Variants in NF2 observed in about 807,000 individuals in gnomAD.
NF2 encodes merlin.
In NF2, 8 loss-of-function variants were observed where a neutral mutation model predicts 83.7. The ratio of observed to expected loss-of-function variants is 0.10; its 90% CI spans 0.06 to 0.17. The LOEUF (loss-of-function observed/expected upper bound fraction) is 0.17, where lower values mean the gene tolerates loss of function less well. Ranked by LOEUF, NF2 falls within the 10% of genes least tolerant of loss-of-function variation. The pLI, the probability that NF2 is intolerant of heterozygous loss-of-function variation, is 1.00. For missense variants in NF2, 533 were observed against 744.4 expected (o/e 0.72, Z 3.31); for synonymous variants, 266 against 269.6 (o/e 0.99, Z 0.13).
intron 1 of NF2, among the ~76,000 whole-genome samples, chr22:29,616,745 GAAAAAAA>G (rs76401799): frequency 7.0e-5 from 6 of 85,704 alleles, no homozygotes; most frequent in African/African-American, 2.6e-4. Context: ...TCCGTCTCAA[GAAAAAAA>G]AAAAAAAAAA....
intron 15 of NF2, among the ~76,000 whole-genome samples, chr22:29,692,642 C>T (rs1363289360): frequency 6.6e-6 from 1 of 152,206 alleles, no homozygotes; most frequent in Non-Finnish European, 1.5e-5. Flanking sequence ...TCACTTGGCC[C>T]GCCTGGTAGG....
At position 29,675,099 on chromosome 22, in the gene NF2, A is replaced by G. The variant is rs559502539; in HGVS notation, c.1446+158A>G. On this transcript the variant is annotated intron_variant, in intron 13 of 15. Transcript: ENST00000338641. ...GAGAGCCTGCAGTTAGGGACTGGGTAGAACATCCTGGTCTGCCATTTGGCT... is the reference window on the plus strand; with the variant it reads ...GAGAGCCTGCAGTTAGGGACTGGGTGGAACATCCTGGTCTGCCATTTGGCT... 2.6e-5 allele frequency among the ~76,000 whole-genome samples: 4 copies of G among 152,336 alleles called. No individual in the cohort carries two copies. In the East Asian group the frequency reaches 7.7e-4, roughly 29 times the overall value.
rs184628973 is a variant in NF2, at chr22:29,632,431, G to A, written c.115-4320G>A. Among the ~76,000 whole-genome samples, 15 of 152,282 alleles carry A rather than the reference G, an allele frequency of 9.9e-5. No homozygotes were observed. The East Asian group carries it at 2.7e-3, about 27-fold the overall frequency. On this transcript the variant is annotated intron_variant, in intron 1 of 15. Transcript: ENST00000338641. Reference sequence around the variant, plus strand: ...CCCAGGATAGGAGGTTCCCACAGCCGCTGGGTGTCCTGTTGTGGCACTCAC... The same window carrying A: ...CCCAGGATAGGAGGTTCCCACAGCCACTGGGTGTCCTGTTGTGGCACTCAC...
intron 4 of NF2, among the ~76,000 whole-genome samples, chr22:29,645,239 T>G (rs1569287237): frequency 6.6e-6 from 1 of 152,112 alleles, no homozygotes; most frequent in Non-Finnish European, 1.5e-5. Flanking sequence ...TGAGTATTCA[T>G]CAGGCCCAGG....
At chr22:29,649,103 G>T (rs565394878) in intron 4 of NF2, among the ~76,000 whole-genome samples, 7 of 152,012 alleles carry the variant, frequency 4.6e-5, no homozygotes, top group African/African-American at 1.7e-4. Context: ...TGGTATAACT[G>T]GGTTAAAGAA....
intron 15 of NF2, among the ~76,000 whole-genome samples, chr22:29,682,014 A>G (rs1427939182): frequency 6.6e-6 from 1 of 152,216 alleles, no homozygotes; most frequent in Non-Finnish European, 1.5e-5. Flanking sequence ...CAAGGACTAT[A>G]AAACCAAACT....
intron 1 of NF2, among the ~76,000 whole-genome samples, chr22:29,629,616 G>T (rs1302277649): frequency 6.6e-6 from 1 of 152,172 alleles, no homozygotes; most frequent in Admixed American, 6.5e-5. Flanking sequence ...CTGAGCCTGG[G>T]GTGGTGCCGT....
At chr22:29,681,405 C>T (rs1426192494) in intron 14 of NF2, 34 bp from the exon 15 acceptor site, 2 of 1,612,654 alleles carry the variant, frequency 1.2e-6, no homozygotes, top group Non-Finnish European at 8.5e-7. Context: ...ACTGTCTGCC[C>T]AAGCCCTGAT....
At chr22:29,653,805 GT>G (rs1404039845) in intron 4 of NF2, among the ~76,000 whole-genome samples, 1 of 152,174 alleles carries the variant, frequency 6.6e-6, no homozygotes, top group African/African-American at 2.4e-5. Context: ...AAGAATAAAT[GT>G]TTATAGATTA....
intron 4 of NF2, among the ~76,000 whole-genome samples, chr22:29,648,847 C>T (rs2066058966): frequency 6.6e-6 from 1 of 152,188 alleles, no homozygotes; most frequent in Non-Finnish European, 1.5e-5. Flanking sequence ...GCCTCAGCCT[C>T]CCAAAGTGCA....
chr22:29,671,965 T>G lies in NF2; in HGVS notation c.1122+17T>G. The G allele has an allele frequency of 6.2e-7, 1 of 1,614,144 alleles. No homozygotes were observed. Among genetic ancestry groups the G allele is most frequent in the Middle Eastern group, 1.6e-4 (1 of 6,062 alleles). The stretch of plus-strand genomic sequence containing the variant: ...GAAGCACTGGTGATTTCTGAGGGGC[T>G]GGGGTTCCAGGAGGCTACTTGGGGA... On this transcript the variant is annotated intron_variant, in intron 11 of 15. Transcript: ENST00000338641.
chr22:29,612,195 A>G (rs981412739), intron 1 of NF2, among the ~76,000 whole-genome samples: 16 of 152,030 alleles, frequency 1.1e-4, no homozygotes, highest in African/African-American at 3.6e-4. Flanking sequence ...TTTAGTATAG[A>G]GGGGGTTTCA....
chr22:29,632,134 G>A (rs1010863370), intron 1 of NF2, among the ~76,000 whole-genome samples: 1 of 152,146 alleles, frequency 6.6e-6, no homozygotes, highest in African/African-American at 2.4e-5. Flanking sequence ...TTGATTTTAT[G>A]TATTTATTTT....
chr22:29,637,398 T>G (rs1299373407), intron 2 of NF2, among the ~76,000 whole-genome samples: 2 of 152,208 alleles, frequency 1.3e-5, no homozygotes. Flanking sequence ...CTCTGGGGCT[T>G]CTGACACATG....
At chr22:29,612,299 C>T (rs900022045) in intron 1 of NF2, among the ~76,000 whole-genome samples, 15 of 151,984 alleles carry the variant, frequency 9.9e-5, no homozygotes, top group African/African-American at 2.7e-4. Flanking sequence ...TGAGCTAGTG[C>T]GCCCAGCCTG....
intron 11 of NF2, among the ~76,000 whole-genome samples, chr22:29,672,442 C>G (rs957846419): frequency 6.7e-6 from 1 of 149,896 alleles, no homozygotes; most frequent in Non-Finnish European, 1.5e-5. Context: ...GCCTCCTGAG[C>G]AGCTGGGATT....
chr22:29,648,240 TAAAA>T (rs747407608), intron 4 of NF2, among the ~76,000 whole-genome samples: 53 of 151,776 alleles, frequency 3.5e-4, no homozygotes, highest in Admixed American at 5.2e-4. Flanking sequence ...AACCCCAATA[TAAAA>T]AAAATCTTAA....
chr22:29,642,906 C>G (rs1051617584), intron 4 of NF2, among the ~76,000 whole-genome samples: 2 of 152,022 alleles, frequency 1.3e-5, no homozygotes, highest in African/African-American at 4.8e-5. Flanking sequence ...ACCAAGCCCA[C>G]TTGAGCTGTC....
In NF2 at chr22:29,661,379, T is replaced by C. The variant is rs1344996791; in HGVS notation, c.810+40T>C. 3 of 1,610,926 alleles carry C rather than the reference T, an allele frequency of 1.9e-6. No individual in the cohort carries two copies. The East Asian group carries it at 6.7e-5, about 36-fold the overall frequency. On this transcript the variant is annotated intron_variant, in intron 8 of 15. Coordinates refer to ENST00000338641, the MANE Select transcript of NF2 (RefSeq NM_000268.4). ...TACTGCAGATGGGTCCAGCAGATCT[T>C]TCCCTGTCTGCCCCCCTCACTGGAG...
Sources: gnomAD v4.1 joint callset for allele counts (sites outside exome capture counted in the v4.1 genomes callset) on GRCh38, gnomAD v4.1.1 for gene constraint, MANE v1.5 for transcripts, NCBI Gene and HGNC (gene_info 2026-07-23, HGNC 2026-07-21) for gene names.